The following RGS8 variants were observed in gnomAD, a reference collection of about 807,000 sequenced individuals.
RGS8 encodes regulator of G-protein signaling 8.
In RGS8, 8 loss-of-function variants were observed where a neutral mutation model predicts 21.7. The observed-to-expected ratio is 0.37, with a 90% confidence interval of 0.22 to 0.66. The LOEUF (loss-of-function observed/expected upper bound fraction) is 0.66, where lower values mean the gene tolerates loss of function less well. RGS8 is among the 30% of genes least tolerant of loss of function. The pLI is 0.59. For synonymous variants in RGS8, 80 were observed against 83.6 expected (o/e 0.96, Z 0.24); for missense variants, 157 against 217.9 (o/e 0.72, Z 1.76).
At chr1:182,716,474 G>GTT in the RGS8 span, among the ~76,000 whole-genome samples, 5 of 147,672 alleles carry the variant, frequency 3.4e-5, no homozygotes, top group South Asian at 2.1e-4. Context: ...ATTTTTTATT[G>GTT]TTTTTTTTTT....
At chr1:182,725,464 T>C in the RGS8 span, among the ~76,000 whole-genome samples, 1 of 152,024 alleles carries the variant, frequency 6.6e-6, no homozygotes. Flanking sequence ...TCCCACACTT[T>C]CAAAATTAGC....
chr1:182,706,370 T>C, the RGS8 span, among the ~76,000 whole-genome samples: 1 of 152,184 alleles, frequency 6.6e-6, no homozygotes, highest in Non-Finnish European at 1.5e-5. Context: ...CTGCTAGAAC[T>C]GAGCTAAAAA....
the RGS8 span, among the ~76,000 whole-genome samples, chr1:182,715,078 G>T: frequency 2.0e-5 from 3 of 152,160 alleles, no homozygotes; most frequent in Non-Finnish European, 4.4e-5. Context: ...GACAACTGTT[G>T]TATGGGAACA....
At chr1:182,707,738 G>A in the RGS8 span, among the ~76,000 whole-genome samples, 35 of 152,122 alleles carry the variant, frequency 2.3e-4, no homozygotes, top group South Asian at 1.9e-3. Context: ...AGATGGAGTC[G>A]CTCTGTCGCC....
chr1:182,662,550 G>A (rs531332275), intron 5 of RGS8, among the ~76,000 whole-genome samples: 41 of 152,304 alleles, frequency 2.7e-4, no homozygotes, highest in African/African-American at 8.7e-4. Flanking sequence ...AATGCTCTTC[G>A]CTTAATTGTC....
At chr1:182,737,781 G>A in the RGS8 span, among the ~76,000 whole-genome samples, 2 of 151,948 alleles carry the variant, frequency 1.3e-5, no homozygotes, top group Non-Finnish European at 2.9e-5. Flanking sequence ...ATCTTTGGGG[G>A]CGACCATTCA....
chr1:182,731,815 A>C, the RGS8 span, among the ~76,000 whole-genome samples: 2 of 152,240 alleles, frequency 1.3e-5, no homozygotes, highest in Non-Finnish European at 2.9e-5. Context: ...AGTATAATAG[A>C]TTTCTCATCA....
intron 5 of RGS8, among the ~76,000 whole-genome samples, chr1:182,651,280 G>A (rs1228318345): frequency 6.6e-6 from 1 of 152,192 alleles, no homozygotes; most frequent in African/African-American, 2.4e-5. Flanking sequence ...ATCATAGATT[G>A]AAAATACCAA....
upstream of RGS8, among the ~76,000 whole-genome samples, chr1:182,685,516 G>A (rs148138112): frequency 3.0e-4 from 46 of 152,330 alleles, no homozygotes; most frequent in African/African-American, 1.1e-3. Flanking sequence ...ACAAACCATG[G>A]AAGACAGAGA....
chr1:182,679,323 A>G (rs1237739490), intron 1 of RGS8, among the ~76,000 whole-genome samples: 1 of 152,020 alleles, frequency 6.6e-6, no homozygotes, highest in African/African-American at 2.4e-5. Flanking sequence ...GTGAGGTTCA[A>G]GTGGAAATGT....
chr1:182,697,029 A>G, the RGS8 span, among the ~76,000 whole-genome samples: 1 of 152,214 alleles, frequency 6.6e-6, no homozygotes, highest in Non-Finnish European at 1.5e-5. Flanking sequence ...GAGTCCCAAG[A>G]GAAACAGCAG....
At chr1:182,741,539 G>C in the RGS8 span, among the ~76,000 whole-genome samples, 91 of 117,598 alleles carry the variant, frequency 7.7e-4, no homozygotes, top group South Asian at 1.5e-3. Flanking sequence ...CGGCTGGCCG[G>C]GCAGAGGGGC....
At chr1:182,707,352 G>A in the RGS8 span, among the ~76,000 whole-genome samples, 40 of 152,314 alleles carry the variant, frequency 2.6e-4, no homozygotes, top group African/African-American at 9.6e-4. Flanking sequence ...GAACACTGCA[G>A]CCAACAGTGG....
upstream of RGS8, among the ~76,000 whole-genome samples, chr1:182,688,323 T>C (rs1664749439): frequency 6.6e-6 from 1 of 152,092 alleles, no homozygotes; most frequent in African/African-American, 2.4e-5. Context: ...TGTTACTTAG[T>C]AGATAGTACA....
chr1:182,673,762 T>TG (rs1664267048), upstream of RGS8, among the ~76,000 whole-genome samples: 1 of 152,210 alleles, frequency 6.6e-6, no homozygotes, highest in African/African-American at 2.4e-5. Context: ...CCTTCATTTC[T>TG]GGACATTTTC....
At chr1:182,714,562 T>C in the RGS8 span, 1 of 152,236 alleles carries the variant, frequency 6.6e-6, no homozygotes, top group Non-Finnish European at 1.5e-5. Context: ...TTTAAGTCTA[T>C]AAAGTCATAT....
the RGS8 span, among the ~76,000 whole-genome samples, chr1:182,729,605 G>A: frequency 6.6e-6 from 1 of 152,194 alleles, no homozygotes; most frequent in South Asian, 2.1e-4. Flanking sequence ...CTACCTAAGT[G>A]AACCCTGATG....
the RGS8 span, among the ~76,000 whole-genome samples, chr1:182,740,700 G>A: frequency 1.3e-5 from 2 of 149,606 alleles, no homozygotes; most frequent in Non-Finnish European, 3.0e-5. Flanking sequence ...AGGACCCTGC[G>A]GCCTTCCGCA....
the RGS8 span, among the ~76,000 whole-genome samples, chr1:182,741,648 G>A: frequency 1.6e-5 from 2 of 122,254 alleles, no homozygotes; most frequent in Non-Finnish European, 3.7e-5. Context: ...CCTCCCTCCC[G>A]GACGGGGCGG....
Sources: allele counts gnomAD v4.1 joint callset (sites outside exome capture counted in the v4.1 genomes callset), GRCh38; gene constraint gnomAD v4.1.1; transcripts MANE v1.5; gene names NCBI Gene and HGNC (gene_info 2026-07-23, HGNC 2026-07-21).